The following GJE1 variants were observed in gnomAD, a reference collection of about 807,000 sequenced individuals.
GJE1 encodes the protein gap junction epsilon-1 protein.
A neutral mutation model predicts 6.2 loss-of-function variants in GJE1; 9 were observed. The ratio of observed to expected loss-of-function variants is 1.45; its 90% CI spans 0.87 to 2.52. The LOEUF (loss-of-function observed/expected upper bound fraction) is 2.52. Among genes scored for constraint, GJE1 ranks in the 30% most tolerant of loss-of-function variants. The pLI, the probability that GJE1 is intolerant of heterozygous loss-of-function variation, is 0.00. For missense variants in GJE1, 190 were observed against 87.7 expected, an observed-to-expected ratio of 2.17 and a Z score of -4.66; for synonymous variants, 65 against 30.1, an observed-to-expected ratio of 2.16 and a Z score of -3.80.
intron 1 of GJE1, 41 bp from the exon 2 acceptor site, chr6:142,133,809 T>A: frequency 1.7e-6 from 1 of 600,460 alleles, no homozygotes; most frequent in Non-Finnish European, 3.0e-6. Flanking sequence ...TCCTTTAATG[T>A]TTGTGTTTAA....
chr6:142,134,456 A>G, intron 2 of GJE1, 83 bp from the exon 3 acceptor site: 1 of 459,004 alleles, frequency 2.2e-6, no homozygotes. Context: ...GTTGAGAGTT[A>G]GTGGGGTTTT....
chr6:142,133,472 G>T (rs921390849), intron 1 of GJE1, among the ~76,000 whole-genome samples: 17 of 152,016 alleles, frequency 1.1e-4, no homozygotes, highest in African/African-American at 3.9e-4. Context: ...AACATTATTT[G>T]GTTGTTAAGA....
intron 1 of GJE1, 138 bp from the exon 2 acceptor site, chr6:142,133,712 T>G (rs752332945): frequency 4.3e-6 from 2 of 466,668 alleles, no homozygotes; most frequent in Admixed American, 3.7e-5. Flanking sequence ...TATATTTGAT[T>G]TGATGATCTC....
At position 142,133,778 on chromosome 6, in the gene GJE1, T is replaced by C. The variant is rs548093697; in HGVS notation, c.40-72T>C. The C allele has an allele frequency of 3.0e-4, 163 of 547,092 alleles. 1 individual carries two copies. In the Middle Eastern group the frequency reaches 4.7e-3, roughly 16 times the overall value. 33.9% of individuals were successfully genotyped at this position (547,092 alleles called of 1,614,324 possible). On this transcript the variant is annotated intron_variant, in intron 1 of 2. Transcript: ENST00000450456. ...ACTCTTACATTTTTTAAATGTGATA[T>C]AAGGATTTTTTTAAATGTCCTCCTT...
Position 142,134,521 on chromosome 6 carries a change from A to G in GJE1, c.235-18A>G, listed in dbSNP as rs561295654. ...ATTGATTTACTAAGATATTTCTGAC[A>G]TACTTTAGGTGTTCTAGGCATTACA... On this transcript the variant is annotated intron_variant, in intron 2 of 2. Transcript: ENST00000450456. 4.1e-6 allele frequency: 2 copies of G among 487,524 alleles called. No individual in the cohort carries two copies. The highest frequency in any genetic ancestry group is 4.1e-5 in the South Asian group (1 of 24,164). 30.2% of individuals were successfully genotyped at this position (487,524 alleles called of 1,614,324 possible).
exon 3 of GJE1, chr6:142,134,862 A>G: frequency 3.1e-6 from 2 of 635,468 alleles, no homozygotes; most frequent in Non-Finnish European, 5.6e-6. Context: ...CAATTTTATT[A>G]TTTGTTGCTG....
chr6:142,133,645 C>A (rs1214928661), intron 1 of GJE1, among the ~76,000 whole-genome samples: 1 of 152,048 alleles, frequency 6.6e-6, no homozygotes, highest in East Asian at 1.9e-4. Context: ...AGCCACATGT[C>A]CCTATCAACT....
chr6:142,133,261 G>T (rs1778177932), intron 1 of GJE1, 64 bp downstream of exon 1: 1 of 575,546 alleles, frequency 1.7e-6, no homozygotes, highest in African/African-American at 1.9e-5. Flanking sequence ...ACCCTGAATT[G>T]CATAAGTCTT....
chr6:142,134,116 G>A (rs1044178045), intron 2 of GJE1, 72 bp downstream of exon 2: 4 of 525,200 alleles, frequency 7.6e-6, no homozygotes, highest in African/African-American at 5.7e-5. Flanking sequence ...CATAATATGA[G>A]AAATACCCTA....
At chr6:142,134,224 T>C (rs1174383237) in intron 2 of GJE1, among the ~76,000 whole-genome samples, 180 bp downstream of exon 2, 5 of 152,154 alleles carry the variant, frequency 3.3e-5, no homozygotes, top group African/African-American at 1.2e-4. Flanking sequence ...AATTCTGGCA[T>C]TTTATTATCT....
chr6:142,135,025 T>C, exon 3 of GJE1: 1 of 443,842 alleles, frequency 2.3e-6, no homozygotes, highest in Non-Finnish European at 4.0e-6. Flanking sequence ...TCAATGTGTC[T>C]GAAATTTTTG....
Position 142,133,178 on chromosome 6 carries a change from A to C in GJE1, c.20A>C (p.Lys7Thr), listed in dbSNP as rs1031128690. The C allele has an allele frequency of 8.7e-6, 6 of 687,870 alleles. No individual in the cohort carries two copies. The African/African-American group carries it at 8.8e-5, about 10-fold the overall frequency. The allele number at this position is 687,870 out of a possible 1,614,324, so 42.6% of individuals were successfully genotyped here. A position where few individuals can be genotyped will look rare whatever the true frequency, so the allele number is the denominator to read the frequency against. Residue 7 changes from lysine (K) to threonine (T), a missense_variant, in exon 1 of 3, where the codon AAA becomes ACA. Lys to Thr is a moderately conservative substitution (Grantham distance 78). Transcript: ENST00000450456. ...TGAGACATGTCTCTAAATTACATCA[A>C]AAACTTCTATGAAGGATGTGTAAGT...
At chr6:142,135,065 A>T in exon 3 of GJE1, 1 of 398,334 alleles carries the variant, frequency 2.5e-6, no homozygotes, top group Non-Finnish European at 4.5e-6. Flanking sequence ...CCTGGTTGTA[A>T]GGTAAGGATT....
rs781734823 is a variant in GJE1, at chr6:142,133,904, C to T, written c.94C>T (p.Arg32Ter). 5 of 701,866 alleles carry T rather than the reference C, an allele frequency of 7.1e-6. No homozygotes were observed. Among genetic ancestry groups the T allele is most frequent in the East Asian group, 5.4e-5 (2 of 37,250 alleles). 43.5% of individuals were successfully genotyped at this position (701,866 alleles called of 1,614,324 possible). The change falls in exon 2 of 3, where the codon CGA (arginine) becomes TGA (stop). Residue 32 changes from arginine (R) to a stop codon, truncating the protein, a stop_gained. Transcript: ENST00000450456. LOFTEE classifies it high-confidence loss of function. ...CCACACCCTTTTCTTTGGATCGATC[C>T]GAATATTCTTCCTCGGGGTGCTAGG...
rs1026286781 is a variant in GJE1, at chr6:142,133,942, T to C, written c.132T>C (p.Tyr44=). 11 of 702,508 alleles carry C rather than the reference T, an allele frequency of 1.6e-5. No homozygotes were observed. In the African/African-American group the frequency reaches 1.7e-4, roughly 11 times the overall value. The allele number at this position is 702,508 out of a possible 1,614,324, so 43.5% of individuals were successfully genotyped here. The change falls in exon 2 of 3, where the codon TAT becomes TAC. Residue 44 remains tyrosine (Y), a synonymous_variant. Coordinates refer to ENST00000450456, the Ensembl canonical transcript of GJE1. ...TCGGGGTGCTAGGCTTTGCAGTTTA[T>C]GGGAATGAGGCCTTGCACTTCATTT...
chr6:142,133,851 T>C lies in GJE1; in HGVS notation c.41T>C (p.Val14Ala), dbSNP rs76793194. The C allele has an allele frequency of 4.5e-3, 3,041 of 678,076 alleles. 69 individuals carry two copies. In the African/African-American group the frequency reaches 0.048, roughly 11 times the overall value. The allele number at this position is 678,076 out of a possible 1,614,324, so 42.0% of individuals were successfully genotyped here. Reference sequence around the variant, plus strand: ...TTTTTTCTCCTAAAACCATAACAGGTTAAACCTCCAACTGTGATTGGTCAA... The same window carrying C: ...TTTTTTCTCCTAAAACCATAACAGGCTAAACCTCCAACTGTGATTGGTCAA... Residue 14 changes from valine to alanine, a missense_variant and splice_region_variant, in exon 2 of 3, where the codon GTT becomes GCT. Coordinates refer to ENST00000450456, the Ensembl canonical transcript of GJE1.
In GJE1 at chr6:142,134,527, T is replaced by C. The variant is rs1161003855; in HGVS notation, c.235-12T>C. The C allele has an allele frequency of 2.0e-6, 1 of 500,806 alleles. No homozygotes were observed. Among genetic ancestry groups the C allele is most frequent in the Non-Finnish European group, 3.5e-6 (1 of 284,718 alleles). The allele number at this position is 500,806 out of a possible 1,614,324, so 31.0% of individuals were successfully genotyped here. On this transcript the variant is annotated splice_polypyrimidine_tract_variant and intron_variant, in intron 2 of 2. Coordinates refer to ENST00000450456, the Ensembl canonical transcript of GJE1. ...TTACTAAGATATTTCTGACATACTTTAGGTGTTCTAGGCATTACAACTAGT... is the reference window on the plus strand; with the variant it reads ...TTACTAAGATATTTCTGACATACTTCAGGTGTTCTAGGCATTACAACTAGT...
At chr6:142,134,921 G>T in exon 3 of GJE1, 2 of 549,914 alleles carry the variant, frequency 3.6e-6, no homozygotes, top group South Asian at 5.3e-5. Flanking sequence ...TTCAGACAAT[G>T]ACCAAATAAT....
At chr6:142,133,384 G>A (rs1562247402) in intron 1 of GJE1, among the ~76,000 whole-genome samples, 187 bp downstream of exon 1, 1 of 152,154 alleles carries the variant, frequency 6.6e-6, no homozygotes, top group Non-Finnish European at 1.5e-5. Context: ...GTCTTTAGAT[G>A]TTGGTGTTTT....
Sources: allele counts gnomAD v4.1 joint callset (sites outside exome capture counted in the v4.1 genomes callset), GRCh38; gene constraint gnomAD v4.1.1; transcripts MANE v1.5; gene names NCBI Gene and HGNC (gene_info 2026-07-23, HGNC 2026-07-21).